Variants in PRSS23 observed in about 807,000 individuals in gnomAD.
PRSS23 encodes serine protease 23, also known as protease, serine 23.
A neutral mutation model predicts 34.7 loss-of-function variants in PRSS23; 25 were observed. The observed-to-expected ratio is 0.72, with a 90% CI of 0.53 to 1.01. PRSS23 has a LOEUF of 1.01. Ranked by LOEUF, PRSS23 falls within the 50% of genes least tolerant of loss-of-function variation. The probability of loss-of-function intolerance (pLI) is 0.00; values close to 1 mark genes in which losing one functional copy is unlikely to be tolerated. For missense variants in PRSS23, 445 were observed against 475.6 expected, an observed-to-expected ratio of 0.94 and a Z score of 0.60; for synonymous variants, 176 against 186.6, an observed-to-expected ratio of 0.94 and a Z score of 0.46.
rs1948944246 is a variant in PRSS23, at chr11:86,906,540, C to T, written c.207-44676C>T. Among the ~76,000 whole-genome samples the T allele has an allele frequency of 4.6e-5, 7 of 152,196 alleles. No individual in the cohort carries two copies. In the South Asian group the frequency reaches 1.4e-3, roughly 31 times the overall value. On this transcript the variant is annotated intron_variant, in intron 2 of 2. Transcript: ENST00000533902. ...CAGCCCCGCAGTGCCTCGCCAACTC[C>T]GGAAGATTTCAAGGAGTTGTGCCTG...
intron 1 of PRSS23, 55 bp from the exon 2 acceptor site, chr11:86,807,576 A>G (rs1444609206): frequency 1.4e-6 from 2 of 1,443,576 alleles, no homozygotes; most frequent in Non-Finnish European, 1.9e-6. Context: ...TGCTGTCTGC[A>G]GTAAATGAAC....
chr11:86,885,727 A>T (rs939227967), intron 2 of PRSS23, among the ~76,000 whole-genome samples: 3 of 152,118 alleles, frequency 2.0e-5, no homozygotes, highest in Non-Finnish European at 4.4e-5. Flanking sequence ...ACCTAAACCA[A>T]TTGTTTAAAA....
rs577122974 is a variant in PRSS23 at position 86,853,560 on chromosome 11, G to A, written c.206+29967G>A. Reference sequence around the variant, plus strand: ...GTGAGCCACTGCGCTGGCCAGAAGTGCCTGCATTTTTAAGGCTGAATAGTC... The same window carrying A: ...GTGAGCCACTGCGCTGGCCAGAAGTACCTGCATTTTTAAGGCTGAATAGTC... On this transcript the variant is annotated intron_variant, in intron 2 of 2. Coordinates refer to the PRSS23 transcript ENST00000533902. Among the ~76,000 whole-genome samples, 176 of 152,166 alleles carry A rather than the reference G, an allele frequency of 1.2e-3. 1 individual carries two copies. Among genetic ancestry groups the A allele is most frequent in the African/African-American group, 4.0e-3 (167 of 41,536 alleles).
chr11:86,865,260 A>G (rs1333127340), intron 2 of PRSS23, among the ~76,000 whole-genome samples: 9 of 152,176 alleles, frequency 5.9e-5, no homozygotes, highest in Non-Finnish European at 1.3e-4. Flanking sequence ...GTTCTACTAT[A>G]TGTGGTCTTG....
intron 2 of PRSS23, chr11:86,910,519 ATGGT>A (rs1189442498): frequency 1.3e-5 from 2 of 152,206 alleles, no homozygotes; most frequent in Non-Finnish European, 2.9e-5. Flanking sequence ...AAAATAACAT[ATGGT>A]TAACTATAAA....
chr11:86,928,349 T>A (rs982260966), intron 2 of PRSS23, among the ~76,000 whole-genome samples: 16 of 148,510 alleles, frequency 1.1e-4, no homozygotes, highest in African/African-American at 3.9e-4. Context: ...TACATTAATA[T>A]ATATATAAAT....
intron 2 of PRSS23, among the ~76,000 whole-genome samples, chr11:86,942,830 G>A (rs934013889): frequency 2.0e-5 from 3 of 152,194 alleles, no homozygotes; most frequent in Non-Finnish European, 4.4e-5. Flanking sequence ...AAGATATTTA[G>A]TGGGATCCTC....
At chr11:86,893,806 C>T (rs1948857313) in intron 2 of PRSS23, among the ~76,000 whole-genome samples, 1 of 152,038 alleles carries the variant, frequency 6.6e-6, no homozygotes, top group Admixed American at 6.6e-5. Flanking sequence ...AAGATTTTAA[C>T]TCATTAACTA....
intron 2 of PRSS23, among the ~76,000 whole-genome samples, chr11:86,929,789 CAATT>C (rs1301283855): frequency 2.6e-5 from 4 of 152,038 alleles, no homozygotes; most frequent in African/African-American, 9.7e-5. Flanking sequence ...AGATTAAAAA[CAATT>C]AAATGGCCAT....
intron 2 of PRSS23, among the ~76,000 whole-genome samples, chr11:86,827,880 CT>C (rs1277165472): frequency 2.0e-5 from 3 of 152,138 alleles, no homozygotes; most frequent in Non-Finnish European, 4.4e-5. Flanking sequence ...AATGTCTGAT[CT>C]TTTACATTTG....
intron 2 of PRSS23, among the ~76,000 whole-genome samples, chr11:86,916,441 C>A (rs1470275053): frequency 6.6e-6 from 1 of 152,164 alleles, no homozygotes; most frequent in Admixed American, 6.5e-5. Flanking sequence ...AACAATCCAG[C>A]AGAAACCAAA....
At chr11:86,849,985 A>G (rs192995432) in intron 2 of PRSS23, among the ~76,000 whole-genome samples, 1 of 152,334 alleles carries the variant, frequency 6.6e-6, no homozygotes, top group East Asian at 1.9e-4. Flanking sequence ...GTCAGGAATC[A>G]TTACTGAAAA....
chr11:86,869,788 G>A (rs1948672991), intron 2 of PRSS23, among the ~76,000 whole-genome samples: 1 of 152,206 alleles, frequency 6.6e-6, no homozygotes, highest in African/African-American at 2.4e-5. Flanking sequence ...GCACCTCTCA[G>A]ATTGGTCACT....
At chr11:86,914,618 ATTGT>A (rs1474246278) in intron 2 of PRSS23, among the ~76,000 whole-genome samples, 5 of 152,324 alleles carry the variant, frequency 3.3e-5, no homozygotes, top group African/African-American at 1.2e-4. Flanking sequence ...GTACCATCTG[ATTGT>A]TCTTTCAAAA....
At chr11:86,822,473 T>C (rs1948259458) in intron 1 of PRSS23, among the ~76,000 whole-genome samples, 1 of 151,936 alleles carries the variant, frequency 6.6e-6, no homozygotes, top group South Asian at 2.1e-4. Flanking sequence ...ATCGAAAAAT[T>C]AGCTGGGTGC....
Position 86,807,750 on chromosome 11 carries a change from G to A in PRSS23, c.107G>A (p.Arg36His), listed in dbSNP as rs774353206. 1.9e-5 allele frequency: 31 copies of A among 1,613,866 alleles called. No individual in the cohort carries two copies. The Middle Eastern group carries it at 4.9e-4, about 26-fold the overall frequency. ...TGGAAACCCACTTGGCCTGCATACCGCCTCCCTGTCGTCTTGCCCCAGTCT... is the reference window on the plus strand; with the variant it reads ...TGGAAACCCACTTGGCCTGCATACCACCTCCCTGTCGTCTTGCCCCAGTCT... ...APWKPTWPAY[R>H]LPVVLPQSTL... The change falls in exon 2 of 2, where the codon CGC becomes CAC. Residue 36 changes from arginine to histidine, a missense_variant. Arg to His is a conservative substitution (Grantham distance 29). Coordinates refer to ENST00000280258, the MANE Select transcript of PRSS23 (RefSeq NM_007173.6).
At chr11:86,944,625 G>A (rs1429334187) in intron 2 of PRSS23, among the ~76,000 whole-genome samples, 1 of 152,142 alleles carries the variant, frequency 6.6e-6, no homozygotes, top group African/African-American at 2.4e-5. Context: ...AGAATAAAAT[G>A]AAATCATGTA....
downstream of PRSS23, among the ~76,000 whole-genome samples, chr11:86,814,477 G>A (rs533552879): frequency 1.3e-5 from 2 of 152,306 alleles, no homozygotes; most frequent in South Asian, 2.1e-4. Context: ...TGGAAGCCAG[G>A]TTGAGGAAGT....
In PRSS23 at chr11:86,810,575, G is replaced by A. The variant is rs1028641120; in HGVS notation, c.*1780G>A. The A allele has an allele frequency of 6.0e-6, 1 of 166,908 alleles. No individual in the cohort carries two copies. Among genetic ancestry groups the A allele is most frequent in the Non-Finnish European group, 1.5e-5 (1 of 68,084 alleles). The allele number at this position is 166,908 out of a possible 1,614,324, so 10.3% of individuals were successfully genotyped here. A position where few individuals can be genotyped will look rare whatever the true frequency, so the allele number is the denominator to read the frequency against. ...CTCCATTTCTATGTCTGGTATTTGGGGGTTTTGTTTGTTTTTGCTTTAGCT... is the reference window on the plus strand; with the variant it reads ...CTCCATTTCTATGTCTGGTATTTGGAGGTTTTGTTTGTTTTTGCTTTAGCT... On this transcript the variant is annotated 3_prime_UTR_variant, in exon 2 of 2. Coordinates refer to ENST00000280258, the MANE Select transcript of PRSS23 (RefSeq NM_007173.6).
Sources: allele counts gnomAD v4.1 joint callset (sites outside exome capture counted in the v4.1 genomes callset), GRCh38; gene constraint gnomAD v4.1.1; transcripts MANE v1.5; gene names NCBI Gene and HGNC (gene_info 2026-07-23, HGNC 2026-07-21).